The following IL1RAPL2 variants were observed in gnomAD, a reference collection of about 807,000 sequenced individuals.
The protein encoded by IL1RAPL2 is X-linked interleukin-1 receptor accessory protein-like 2.
A neutral mutation model predicts 44.1 loss-of-function variants in IL1RAPL2; 3 were observed. That is an observed-to-expected ratio of 0.07 (90% confidence interval 0.03 to 0.18). The LOEUF is 0.18. IL1RAPL2 is among the 10% of genes least tolerant of loss of function. The pLI, the probability that IL1RAPL2 is intolerant of heterozygous loss-of-function variation, is 1.00. For missense variants in IL1RAPL2, 391 were observed against 496.4 expected (o/e 0.79, Z 2.02); for synonymous variants, 181 against 178.8 (o/e 1.01, Z -0.10).
intron 2 of IL1RAPL2, among the ~76,000 whole-genome samples, chrX:105,147,048 GA>G (rs1351111497): frequency 1.8e-5 from 2 of 111,178 alleles, no homozygotes; most frequent in African/African-American, 6.6e-5. Context: ...GGCCCCTCAG[GA>G]AGACATTTAG....
chrX:105,094,276 C>A (rs148833888), intron 2 of IL1RAPL2, among the ~76,000 whole-genome samples: 2,796 of 111,554 alleles, frequency 0.025, 44 homozygotes, highest in Non-Finnish European at 0.038. Flanking sequence ...GGACCTATCC[C>A]AATATATTGC....
chrX:104,838,772 T>C (rs911657067), intron 2 of IL1RAPL2, among the ~76,000 whole-genome samples: 8 of 109,414 alleles, frequency 7.3e-5, no homozygotes, highest in African/African-American at 2.0e-4. Context: ...TGAATAGGAG[T>C]AGTGAGAGAG....
In IL1RAPL2 at chrX:105,541,975, T is replaced by TA. The variant is rs1036785787; in HGVS notation, c.772+57589dup. The stretch of plus-strand genomic sequence containing the variant: ...CCTTTAGCTCCCTCTTGATGAGTCA[T>TA]ACCTCCCTGCACACTCTTTCCTCTG... On this transcript the variant is annotated intron_variant, in intron 6 of 10. Coordinates refer to ENST00000372582, the MANE Select transcript of IL1RAPL2 (RefSeq NM_017416.2). 2.7e-5 allele frequency among the ~76,000 whole-genome samples: 3 copies of TA among 109,657 alleles called. No homozygotes were observed. In the Admixed American group the frequency reaches 2.9e-4, roughly 11 times the overall value.
At chrX:105,260,863 G>A (rs765366406) in intron 4 of IL1RAPL2, among the ~76,000 whole-genome samples, 1 of 112,408 alleles carries the variant, frequency 8.9e-6, no homozygotes, top group Admixed American at 9.4e-5. Flanking sequence ...TGCCCCTACC[G>A]GTGGCTAGCT....
intron 5 of IL1RAPL2, among the ~76,000 whole-genome samples, chrX:105,353,421 T>C (rs1288732576): frequency 1.8e-5 from 2 of 111,632 alleles, no homozygotes; most frequent in Non-Finnish European, 3.8e-5. Flanking sequence ...CGGGCTCTTT[T>C]TTGGTTCCAT....
At chrX:105,390,331 A>G (rs2035511758) in intron 5 of IL1RAPL2, among the ~76,000 whole-genome samples, 1 of 111,623 alleles carries the variant, frequency 9.0e-6, no homozygotes, top group Non-Finnish European at 1.9e-5. Context: ...ACAAAGTAGC[A>G]TTCCAAAGAC....
chrX:104,889,802 G>A (rs1466364907), intron 2 of IL1RAPL2, among the ~76,000 whole-genome samples: 1 of 86,750 alleles, frequency 1.2e-5, no homozygotes, highest in African/African-American at 3.6e-5. Flanking sequence ...ATCCCAAATA[G>A]ACTTTTTTTT....
intron 2 of IL1RAPL2, among the ~76,000 whole-genome samples, chrX:104,901,801 G>A (rs1481479636): frequency 2.7e-5 from 3 of 111,791 alleles, no homozygotes; most frequent in Non-Finnish European, 5.6e-5. Flanking sequence ...TAAAATGAGA[G>A]TGACAGTTCT....
intron 2 of IL1RAPL2, among the ~76,000 whole-genome samples, chrX:104,767,377 G>T (rs1485539445): frequency 8.9e-6 from 1 of 111,920 alleles, no homozygotes; most frequent in African/African-American, 3.2e-5. Flanking sequence ...TAACCAAACT[G>T]ATTTTTCCAA....
At chrX:105,724,601 C>T (rs949708089) in intron 7 of IL1RAPL2, among the ~76,000 whole-genome samples, 5 of 111,820 alleles carry the variant, frequency 4.5e-5, no homozygotes, top group Admixed American at 1.9e-4. Context: ...CACACAACTG[C>T]ATCACAACCC....
intron 6 of IL1RAPL2, among the ~76,000 whole-genome samples, chrX:105,714,751 C>G (rs1163292951): frequency 1.8e-5 from 2 of 111,970 alleles, no homozygotes; most frequent in African/African-American, 3.2e-5. Flanking sequence ...TCTTACTTCT[C>G]AACACTGTTA....
intron 6 of IL1RAPL2, among the ~76,000 whole-genome samples, chrX:105,572,360 G>T (rs769767630): frequency 7.9e-4 from 88 of 112,069 alleles, no homozygotes; most frequent in Non-Finnish European, 1.5e-3. Context: ...TAGATTTATG[G>T]AATGCATACG....
chrX:104,884,811 C>A lies in IL1RAPL2; in HGVS notation c.82+225816C>A, dbSNP rs964781335. On this transcript the variant is annotated intron_variant, in intron 2 of 10. Transcript: ENST00000372582. ...CCACAGGAGGACATCTCAGCTTACC[C>A]CCATATCCTAGCCTCCCTATAGCTC... 8.1e-5 allele frequency among the ~76,000 whole-genome samples: 9 copies of A among 111,315 alleles called. No individual in the cohort carries two copies. In the Admixed American group the frequency reaches 8.6e-4, roughly 11 times the overall value.
Position 104,652,395 on chromosome X carries a change from T to G in IL1RAPL2, c.-19-6500T>G, listed in dbSNP as rs550719756. 6.2e-5 allele frequency among the ~76,000 whole-genome samples: 7 copies of G among 112,320 alleles called. No individual in the cohort carries two copies. The South Asian group carries it at 2.6e-3, about 42-fold the overall frequency. On this transcript the variant is annotated intron_variant, in intron 1 of 10. Transcript: ENST00000372582. ...GTAACTTGAAAAAACACTAAAAGTT[T>G]CCACTCATTTGCATTATTTAAACAT...
intron 2 of IL1RAPL2, among the ~76,000 whole-genome samples, chrX:105,088,673 C>G (rs975128779): frequency 9.0e-6 from 1 of 111,599 alleles, no homozygotes; most frequent in Non-Finnish European, 1.9e-5. Context: ...GGGATTAGAA[C>G]AGTCTCCTGA....
At chrX:105,303,675 A>T (rs2034713070) in intron 5 of IL1RAPL2, among the ~76,000 whole-genome samples, 1 of 112,283 alleles carries the variant, frequency 8.9e-6, no homozygotes, top group Non-Finnish European at 1.9e-5. Context: ...CAAGACAAAA[A>T]CAAACACAAG....
intron 5 of IL1RAPL2, among the ~76,000 whole-genome samples, chrX:105,455,250 A>G (rs1424740429): frequency 8.9e-6 from 1 of 112,223 alleles, no homozygotes; most frequent in Non-Finnish European, 1.9e-5. Flanking sequence ...GTTTGCAAAA[A>G]TTGTCTCCCA....
chrX:105,041,765 C>T (rs772399703), intron 2 of IL1RAPL2, among the ~76,000 whole-genome samples: 1 of 108,775 alleles, frequency 9.2e-6, no homozygotes, highest in South Asian at 4.1e-4. Context: ...GCCCGCATCG[C>T]CAAGTCAATC....
chrX:105,603,486 A>T (rs757289548), intron 6 of IL1RAPL2, among the ~76,000 whole-genome samples: 1 of 111,889 alleles, frequency 8.9e-6, no homozygotes, highest in Non-Finnish European at 1.9e-5. Context: ...AGAATGTATC[A>T]CAATTATAAG....
Sources: allele counts gnomAD v4.1 joint callset (sites outside exome capture counted in the v4.1 genomes callset), GRCh38; gene constraint gnomAD v4.1.1; transcripts MANE v1.5; gene names NCBI Gene and HGNC (gene_info 2026-07-23, HGNC 2026-07-21).